The following HCRTR2 variants were observed in gnomAD, a reference collection of about 807,000 sequenced individuals.
The protein encoded by HCRTR2 is hypocretin receptor 2, also known as orexin receptor type 2.
A neutral mutation model predicts 49.0 loss-of-function variants in HCRTR2; 22 were observed. The observed-to-expected ratio is 0.45, with a 90% CI of 0.32 to 0.64. The LOEUF (loss-of-function observed/expected upper bound fraction) is 0.64. HCRTR2 is among the 30% of genes least tolerant of loss of function. The probability of loss-of-function intolerance (pLI) is 0.04; values close to 1 mark genes in which losing one functional copy is unlikely to be tolerated. For missense variants in HCRTR2, 491 were observed against 559.4 expected, an observed-to-expected ratio of 0.88 and a Z score of 1.23; for synonymous variants, 236 against 205.3, an observed-to-expected ratio of 1.15 and a Z score of -1.28.
At chr6:55,142,464 T>TC (rs1764521251) in intron 1 of HCRTR2, among the ~76,000 whole-genome samples, 1 of 151,310 alleles carries the variant, frequency 6.6e-6, no homozygotes, top group Non-Finnish European at 1.5e-5. Flanking sequence ...CGCTTCGGCC[T>TC]CTAAAGTGCT....
chr6:55,232,010 G>A (rs2127300314), intron 1 of HCRTR2, among the ~76,000 whole-genome samples: 1 of 152,198 alleles, frequency 6.6e-6, no homozygotes, highest in African/African-American at 2.4e-5. Context: ...CTACAGAACA[G>A]ATGTGTCCTA....
chr6:55,141,520 C>T (rs1034494166), intron 1 of HCRTR2, among the ~76,000 whole-genome samples: 13 of 151,952 alleles, frequency 8.6e-5, no homozygotes, highest in Non-Finnish European at 1.6e-4. Context: ...AAACTGTGCT[C>T]TTACTGGTAA....
chr6:55,284,066 T>C (rs1767241859), downstream of HCRTR2, among the ~76,000 whole-genome samples: 1 of 152,204 alleles, frequency 6.6e-6, no homozygotes, highest in South Asian at 2.1e-4. Context: ...AGGAGAGTTG[T>C]AATTTTCGGA....
At chr6:55,281,792 A>G (rs1022312216) in intron 6 of HCRTR2, among the ~76,000 whole-genome samples, 2 of 152,102 alleles carry the variant, frequency 1.3e-5, no homozygotes, top group African/African-American at 4.8e-5. Flanking sequence ...TAATTGTTTC[A>G]GTATCAGTTA....
In HCRTR2 at chr6:55,163,025, G is replaced by A. The variant is rs553787270; in HGVS notation, c.-377-11186G>A. ...GCACTTTGGGAGGCCAAGGCAGGAG[G>A]ATCAAGAGGTCAGGAGATTGAGACC... On this transcript the variant is annotated intron_variant, in intron 1 of 7. Coordinates refer to the HCRTR2 transcript ENST00000615358. Among the ~76,000 whole-genome samples, 460 of 152,234 alleles carry A rather than the reference G, an allele frequency of 3.0e-3. 1 individual carries two copies. Among genetic ancestry groups the A allele is most frequent in the Non-Finnish European group, 5.0e-3 (343 of 68,004 alleles).
At chr6:55,281,075 G>T (rs1410783699) in intron 6 of HCRTR2, among the ~76,000 whole-genome samples, 1 of 152,040 alleles carries the variant, frequency 6.6e-6, no homozygotes, top group Non-Finnish European at 1.5e-5. Flanking sequence ...CTGACTTTTA[G>T]AATTATGTTT....
chr6:55,114,058 AT>A (rs1353277539), intron 1 of HCRTR2, among the ~76,000 whole-genome samples: 1 of 151,932 alleles, frequency 6.6e-6, no homozygotes, highest in African/African-American at 2.4e-5. Flanking sequence ...CAAACATCAT[AT>A]GTTCTCACTC....
chr6:55,160,987 T>C (rs1010050547), intron 1 of HCRTR2, among the ~76,000 whole-genome samples: 1 of 152,150 alleles, frequency 6.6e-6, no homozygotes, highest in Non-Finnish European at 1.5e-5. Flanking sequence ...GCAGGCCTAA[T>C]AGACATCTAT....
At chr6:55,203,932 A>T (rs1258424147) in intron 1 of HCRTR2, among the ~76,000 whole-genome samples, 1 of 152,122 alleles carries the variant, frequency 6.6e-6, no homozygotes, top group Non-Finnish European at 1.5e-5. Context: ...GCGTAGAGAA[A>T]TAATATGATC....
intron 1 of HCRTR2, among the ~76,000 whole-genome samples, chr6:55,226,844 G>A (rs1345864342): frequency 2.1e-5 from 3 of 145,840 alleles, no homozygotes; most frequent in African/African-American, 5.1e-5. Flanking sequence ...TCAGCCTCCC[G>A]AGTAGCTGGG....
At chr6:55,108,529 A>T (rs1453480304) in intron 1 of HCRTR2, among the ~76,000 whole-genome samples, 1 of 151,708 alleles carries the variant, frequency 6.6e-6, no homozygotes, top group Non-Finnish European at 1.5e-5. Context: ...GTAAGGTTAA[A>T]TCCTTCTAGG....
chr6:55,228,949 T>G (rs1766061747), intron 1 of HCRTR2, among the ~76,000 whole-genome samples: 1 of 152,146 alleles, frequency 6.6e-6, no homozygotes, highest in Non-Finnish European at 1.5e-5. Context: ...AACTTTGTAT[T>G]CATTTTATTA....
At chr6:55,166,983 A>G (rs1277794232) in intron 1 of HCRTR2, among the ~76,000 whole-genome samples, 4 of 147,934 alleles carry the variant, frequency 2.7e-5, no homozygotes, top group African/African-American at 7.5e-5. Context: ...CAGAATTGTC[A>G]GATCCACTGA....
Position 55,282,586 on chromosome 6 carries a change from T to A in HCRTR2, c.*132T>A. On this transcript the variant is annotated 3_prime_UTR_variant, in exon 7 of 7. Transcript: ENST00000370862. ...ATCTTTTTTTTTTTTAATCTATTGCTCTTTGGAAATAAAAAAAAAGTCAGT... is the reference window on the plus strand; with the variant it reads ...ATCTTTTTTTTTTTTAATCTATTGCACTTTGGAAATAAAAAAAAAGTCAGT... 1.6e-6 allele frequency: 1 copy of A among 630,766 alleles called. No homozygotes were observed. The highest frequency in any genetic ancestry group is 2.8e-6 in the Non-Finnish European group (1 of 358,940). The allele number at this position is 630,766 out of a possible 1,614,324, so 39.1% of individuals were successfully genotyped here. A position where few individuals can be genotyped will look rare whatever the true frequency, so the allele number is the denominator to read the frequency against.
chr6:55,129,088 A>T (rs1466679315), intron 1 of HCRTR2, among the ~76,000 whole-genome samples: 1 of 152,138 alleles, frequency 6.6e-6, no homozygotes, highest in Non-Finnish European at 1.5e-5. Context: ...TTAAAACCCA[A>T]GTTCCCTAGA....
chr6:55,202,842 T>A (rs1165774083), intron 1 of HCRTR2, among the ~76,000 whole-genome samples: 5 of 152,098 alleles, frequency 3.3e-5, no homozygotes, highest in African/African-American at 1.2e-4. Context: ...TTTTATCTGA[T>A]ATGGTAGTTT....
intron 3 of HCRTR2, among the ~76,000 whole-genome samples, chr6:55,260,930 G>A (rs540332339): frequency 6.6e-6 from 1 of 152,100 alleles, no homozygotes; most frequent in African/African-American, 2.4e-5. Context: ...CCTTTATGAA[G>A]TAATGAAAAG....
At chr6:55,112,342 G>A (rs2127611019) in intron 1 of HCRTR2, among the ~76,000 whole-genome samples, 1 of 151,878 alleles carries the variant, frequency 6.6e-6, no homozygotes, top group African/African-American at 2.4e-5. Flanking sequence ...TTGGCAAAGA[G>A]GAAATCAAAA....
chr6:55,112,548 CAA>C (rs34704863), intron 1 of HCRTR2, among the ~76,000 whole-genome samples: 4,410 of 79,064 alleles, frequency 0.056, 77 homozygotes, highest in Middle Eastern at 0.09. Context: ...ACAATAGCTG[CAA>C]AAAAAAAAAA....
Sources: allele counts gnomAD v4.1 joint callset (sites outside exome capture counted in the v4.1 genomes callset), GRCh38; gene constraint gnomAD v4.1.1; transcripts MANE v1.5; gene names NCBI Gene and HGNC (gene_info 2026-07-23, HGNC 2026-07-21).